Variants in TMEM38A observed in about 807,000 individuals in gnomAD.
TMEM38A encodes transmembrane protein 38A.
In TMEM38A, 17 loss-of-function variants were observed where a neutral mutation model predicts 28.6. That is an observed-to-expected ratio of 0.60 (90% CI 0.41 to 0.89). TMEM38A has a LOEUF of 0.89. TMEM38A is among the 40% of genes least tolerant of loss of function. The pLI is 0.00. For missense variants in TMEM38A, 328 were observed against 393.1 expected (o/e 0.83, Z 1.40); for synonymous variants, 169 against 166.1 (o/e 1.02, Z -0.14).
At chr19:16,668,782 A>G (rs1231760730) in intron 1 of TMEM38A, among the ~76,000 whole-genome samples, 1 of 150,452 alleles carries the variant, frequency 6.6e-6, no homozygotes, top group Non-Finnish European at 1.5e-5. Flanking sequence ...ATGTCTTTTC[A>G]TGTCTTGATA....
chr19:16,664,842 A>G (rs895120335), intron 1 of TMEM38A, among the ~76,000 whole-genome samples: 2 of 148,852 alleles, frequency 1.3e-5, no homozygotes, highest in African/African-American at 5.0e-5. Context: ...GCAACAGAGC[A>G]AGACCGTGTC....
rs577467417 is a variant in TMEM38A at position 16,688,652 on chromosome 19, A to C, written c.*281A>C. The C allele has an allele frequency of 6.3e-5, 20 of 315,548 alleles. No individual in the cohort carries two copies. The East Asian group carries it at 8.5e-4, about 13-fold the overall frequency. The allele number at this position is 315,548 out of a possible 1,614,324, so 19.5% of individuals were successfully genotyped here. A position where few individuals can be genotyped will look rare whatever the true frequency, so the allele number is the denominator to read the frequency against. On this transcript the variant is annotated 3_prime_UTR_variant, in exon 6 of 6. Transcript: ENST00000187762. ...ATCCTGGCAGCAGCTCCAGTCAAGA[A>C]TGTCACTGGTTGGCATGATATTCTT...
At chr19:16,672,994 A>G (rs1476555971) in intron 1 of TMEM38A, among the ~76,000 whole-genome samples, 2 of 152,144 alleles carry the variant, frequency 1.3e-5, no homozygotes, top group African/African-American at 4.8e-5. Context: ...CATAGCAAAA[A>G]ATGATCTGAT....
intron 1 of TMEM38A, among the ~76,000 whole-genome samples, chr19:16,669,068 G>C (rs1394172060): frequency 6.6e-6 from 1 of 151,888 alleles, no homozygotes; most frequent in Non-Finnish European, 1.5e-5. Flanking sequence ...GACCTCAGGT[G>C]ATCTGCCCGC....
intron 1 of TMEM38A, among the ~76,000 whole-genome samples, chr19:16,673,724 C>A (rs1007002174): frequency 5.9e-5 from 9 of 152,130 alleles, no homozygotes; most frequent in African/African-American, 2.2e-4. Context: ...ATTCCTTTTA[C>A]AGAGTAGAGT....
At chr19:16,674,371 G>A (rs1163752401) in intron 1 of TMEM38A, among the ~76,000 whole-genome samples, 15 of 138,566 alleles carry the variant, frequency 1.1e-4, no homozygotes, top group Non-Finnish European at 1.7e-4. Context: ...CTGGGCGACA[G>A]AGCAAAACTC....
intron 1 of TMEM38A, among the ~76,000 whole-genome samples, chr19:16,669,635 G>A (rs1429657014): frequency 6.6e-6 from 1 of 152,206 alleles, no homozygotes; most frequent in East Asian, 1.9e-4. Context: ...TCCACCTTGT[G>A]AGGGAGAGGC....
chr19:16,676,535 G>A (rs549176188), intron 1 of TMEM38A, among the ~76,000 whole-genome samples: 2 of 152,168 alleles, frequency 1.3e-5, no homozygotes, highest in South Asian at 2.1e-4. Flanking sequence ...TCTGCAAAAC[G>A]AAACTAGTTG....
At position 16,689,706 on chromosome 19, in the gene TMEM38A, T is replaced by A. The variant is rs1374821484; in HGVS notation, c.*1335T>A. The A allele has an allele frequency of 6.6e-6, 1 of 152,432 alleles. No homozygotes were observed. The highest frequency in any genetic ancestry group is 1.9e-4 in the East Asian group (1 of 5,194). The allele number at this position is 152,432 out of a possible 1,614,324, so 9.4% of individuals were successfully genotyped here. A position where few individuals can be genotyped will look rare whatever the true frequency, so the allele number is the denominator to read the frequency against. The stretch of plus-strand genomic sequence containing the variant: ...TGCTCTGTGGTCAGCCTTGTGCTGC[T>A]GCTGGGCGGGCCAGGAGCCTGCTTC... On this transcript the variant is annotated 3_prime_UTR_variant, in exon 6 of 6. Coordinates refer to ENST00000187762, the MANE Select transcript of TMEM38A (RefSeq NM_024074.4).
At position 16,661,429 on chromosome 19, in the gene TMEM38A, C is replaced by T; in HGVS notation, c.124+88C>T. The T allele has an allele frequency of 5.1e-6, 6 of 1,184,528 alleles. No individual in the cohort carries two copies. Among genetic ancestry groups the T allele is most frequent in the African/African-American group, 1.6e-5 (1 of 62,616 alleles). 73.4% of individuals were successfully genotyped at this position (1,184,528 alleles called of 1,614,324 possible). ...GGGTCGCAGAGAGGGGAAGCCCGTG[C>T]GTGGTGGAGGGAGCGAGGGACAGGT... On this transcript the variant is annotated intron_variant, in intron 1 of 5. Transcript: ENST00000187762. The surrounding 1 kb of genome is among the most constrained non-coding windows in gnomAD (Gnocchi z 6.5).
chr19:16,668,470 G>T (rs1341013366), intron 1 of TMEM38A, among the ~76,000 whole-genome samples: 1 of 150,834 alleles, frequency 6.6e-6, no homozygotes, highest in Non-Finnish European at 1.5e-5. Flanking sequence ...GCTTGAACCT[G>T]GGGGGAGGCG....
intron 5 of TMEM38A, among the ~76,000 whole-genome samples, chr19:16,687,927 G>A (rs915335293): frequency 6.6e-6 from 1 of 152,178 alleles, no homozygotes; most frequent in Non-Finnish European, 1.5e-5. Flanking sequence ...GAACTTTCCA[G>A]GGGTCAACAC....
intron 1 of TMEM38A, among the ~76,000 whole-genome samples, chr19:16,678,010 C>CT (rs1250187605): frequency 1.3e-5 from 2 of 152,046 alleles, no homozygotes; most frequent in Admixed American, 1.3e-4. Context: ...AGAATGGTGC[C>CT]AGGGGCTAGG....
chr19:16,672,165 C>T (rs1028127661), intron 1 of TMEM38A, among the ~76,000 whole-genome samples: 16 of 152,052 alleles, frequency 1.1e-4, no homozygotes, highest in Non-Finnish European at 1.2e-4. Flanking sequence ...AAAGCTCATT[C>T]CAGTCCTCAT....
At chr19:16,680,364 A>G (rs1354866767) in intron 2 of TMEM38A, 33 bp from the exon 3 acceptor site, 2 of 1,610,664 alleles carry the variant, frequency 1.2e-6, no homozygotes, top group East Asian at 2.2e-5. Flanking sequence ...CAGTCTGCCC[A>G]TCCCCTGGCA....
At chr19:16,671,805 A>G (rs1437703767) in intron 1 of TMEM38A, among the ~76,000 whole-genome samples, 4 of 152,224 alleles carry the variant, frequency 2.6e-5, no homozygotes, top group African/African-American at 7.2e-5. Flanking sequence ...AACTCATGCA[A>G]ACGCTAGGTC....
At chr19:16,687,974 C>T (rs990348630) in intron 5 of TMEM38A, among the ~76,000 whole-genome samples, 170 bp from the exon 6 acceptor site, 2 of 152,126 alleles carry the variant, frequency 1.3e-5, no homozygotes, top group African/African-American at 2.4e-5. Flanking sequence ...GAGATGGTCG[C>T]CCATCATCCT....
chr19:16,675,548 T>C (rs893066061), intron 1 of TMEM38A, among the ~76,000 whole-genome samples: 2 of 143,876 alleles, frequency 1.4e-5, no homozygotes, highest in Non-Finnish European at 3.0e-5. Flanking sequence ...TTGACTATTT[T>C]TTTTTTTTTT....
chr19:16,664,236 C>G (rs1358733081), intron 1 of TMEM38A, among the ~76,000 whole-genome samples: 1 of 148,172 alleles, frequency 6.7e-6, no homozygotes, highest in Non-Finnish European at 1.5e-5. Context: ...GGCAACATGA[C>G]AAAACCCCGT....
Sources: gnomAD v4.1 joint callset for allele counts (sites outside exome capture counted in the v4.1 genomes callset) on GRCh38, gnomAD v4.1.1 for gene constraint, Gnocchi (gnomAD v3.1) non-coding constraint, MANE v1.5 for transcripts, NCBI Gene and HGNC (gene_info 2026-07-23, HGNC 2026-07-21) for gene names.